Variants in CCDC63 observed in about 807,000 individuals in gnomAD.
CCDC63 encodes the protein coiled-coil domain-containing protein 63.
CCDC63 carries 54 observed loss-of-function variants against 63.6 expected under a neutral mutation model. That is an observed-to-expected ratio of 0.85 (90% confidence interval 0.68 to 1.07). CCDC63 has a LOEUF of 1.07. Among genes scored for constraint, CCDC63 ranks in the 50% least tolerant of loss-of-function variants. CCDC63 has a pLI of 0.00. For missense variants in CCDC63, 637 were observed against 689.6 expected (o/e 0.92, Z 0.86); for synonymous variants, 253 against 266.1 (o/e 0.95, Z 0.48).
chr12:110,854,780 A>G (rs1295342607), intron 3 of CCDC63, among the ~76,000 whole-genome samples: 3 of 152,118 alleles, frequency 2.0e-5, no homozygotes, highest in Non-Finnish European at 4.4e-5. Flanking sequence ...AGTTCACAGG[A>G]TGGGGAAAAG....
rs142467765 is a variant in CCDC63 at position 110,870,163 on chromosome 12, A to G, written c.370-3679A>G. On this transcript the variant is annotated intron_variant, in intron 4 of 11. Transcript: ENST00000308208. Reference sequence around the variant, plus strand: ...AATGGCATGATCTCGGCTCACTGCAACCTCTACCTCCCAGGATCAAGCAAT... The same window carrying G: ...AATGGCATGATCTCGGCTCACTGCAGCCTCTACCTCCCAGGATCAAGCAAT... Among the ~76,000 whole-genome samples, 141 of 152,200 alleles carry G rather than the reference A, an allele frequency of 9.3e-4. 2 individuals are homozygous for G. In the East Asian group the frequency reaches 0.019, roughly 21 times the overall value.
chr12:110,852,641 C>T (rs1421165268), intron 1 of CCDC63, among the ~76,000 whole-genome samples: 1 of 152,148 alleles, frequency 6.6e-6, no homozygotes, highest in African/African-American at 2.4e-5. Flanking sequence ...TGCCCAGCTC[C>T]TAATAATAAA....
At position 110,898,919 on chromosome 12, in the gene CCDC63, G is replaced by T. The variant is rs1173799229; in HGVS notation, c.1150-14G>T. ...AGTCCTCCTGAGCAGGTGGGAATTGGGGTCTGCCACCAGGATAAACTGAGG... is the reference window on the plus strand; with the variant it reads ...AGTCCTCCTGAGCAGGTGGGAATTGTGGTCTGCCACCAGGATAAACTGAGG... On this transcript the variant is annotated splice_polypyrimidine_tract_variant and intron_variant, in intron 9 of 11. Transcript: ENST00000308208. 1 of 1,571,224 alleles carries T rather than the reference G, an allele frequency of 6.4e-7. No individual in the cohort carries two copies. The highest frequency in any genetic ancestry group is 8.7e-7 in the Non-Finnish European group (1 of 1,155,300).
At chr12:110,884,314 G>C (rs941924689) in intron 8 of CCDC63, 64 bp downstream of exon 8, 18 of 1,346,168 alleles carry the variant, frequency 1.3e-5, no homozygotes, top group African/African-American at 2.9e-5. Flanking sequence ...TTCCAGGGCA[G>C]TCTCCTAGGA....
At chr12:110,883,765 A>G (rs901520496) in intron 7 of CCDC63, among the ~76,000 whole-genome samples, 29 of 151,860 alleles carry the variant, frequency 1.9e-4, no homozygotes, top group African/African-American at 6.8e-4. Context: ...TTAGCCTCCC[A>G]TGTAGCTGGG....
At chr12:110,885,873 A>G (rs1408083117) in intron 8 of CCDC63, among the ~76,000 whole-genome samples, 1 of 152,250 alleles carries the variant, frequency 6.6e-6, no homozygotes, top group Non-Finnish European at 1.5e-5. Context: ...CTAGTGATGA[A>G]TTAATTTTTA....
At chr12:110,852,418 C>T (rs760793913) in intron 1 of CCDC63, among the ~76,000 whole-genome samples, 3 of 152,134 alleles carry the variant, frequency 2.0e-5, no homozygotes, top group African/African-American at 4.8e-5. Flanking sequence ...TGCCACCACA[C>T]CTGGCTAATT....
At chr12:110,854,864 T>G (rs545524375) in intron 3 of CCDC63, among the ~76,000 whole-genome samples, 13 of 152,268 alleles carry the variant, frequency 8.5e-5, no homozygotes, top group Non-Finnish European at 1.3e-4. Context: ...AGTGGTGCCA[T>G]CTCGGCTCAC....
intron 11 of CCDC63, among the ~76,000 whole-genome samples, chr12:110,905,905 A>ATTATATTAT (rs2071557744): frequency 1.6e-5 from 1 of 63,168 alleles, no homozygotes; most frequent in African/African-American, 6.4e-5. Flanking sequence ...TATATATAAT[A>ATTATATTAT]TATATTATAT....
intron 4 of CCDC63, among the ~76,000 whole-genome samples, chr12:110,868,292 C>T (rs2071004604): frequency 7.6e-6 from 1 of 131,606 alleles, no homozygotes; most frequent in African/African-American, 3.0e-5. Context: ...AGACGATGGG[C>T]AGCCAGGCAG....
intron 10 of CCDC63, among the ~76,000 whole-genome samples, chr12:110,900,748 C>T (rs149523600): frequency 1.9e-4 from 29 of 152,214 alleles, no homozygotes; most frequent in African/African-American, 4.1e-4. Context: ...TATAGGCACA[C>T]GCCACCACGC....
chr12:110,872,551 A>G (rs948770376), intron 4 of CCDC63, among the ~76,000 whole-genome samples: 1 of 152,250 alleles, frequency 6.6e-6, no homozygotes, highest in African/African-American at 2.4e-5. Flanking sequence ...TACAGTGACT[A>G]CAGTCCCGGA....
chr12:110,860,213 C>T (rs908294235), intron 4 of CCDC63, among the ~76,000 whole-genome samples: 3 of 152,202 alleles, frequency 2.0e-5, no homozygotes, highest in Non-Finnish European at 4.4e-5. Context: ...CCCTTTCTTC[C>T]AACCCTCTGA....
In CCDC63 at chr12:110,893,126, C is replaced by T; in HGVS notation, c.1125C>T (p.Asn375=). ...RSQQKLSHDD[N]HSVLRQLEDK... ...AGCAGAAATTGTCCCACGATGACAACCACTCTGTCCTGAGACAGCTGGAGG... is the reference window on the plus strand; with the variant it reads ...AGCAGAAATTGTCCCACGATGACAATCACTCTGTCCTGAGACAGCTGGAGG... The change falls in exon 9 of 12, where the codon AAC becomes AAT. Residue 375 remains asparagine (N), a synonymous_variant. Coordinates refer to ENST00000308208, the MANE Select transcript of CCDC63 (RefSeq NM_152591.3). 2 of 1,614,090 alleles carry T rather than the reference C, an allele frequency of 1.2e-6. No individual in the cohort carries two copies. The highest frequency in any genetic ancestry group is 1.3e-5 in the African/African-American group (1 of 75,038).
chr12:110,893,245 G>A, intron 9 of CCDC63, 95 bp downstream of exon 9: 1 of 989,210 alleles, frequency 1.0e-6, no homozygotes, highest in Non-Finnish European at 1.6e-6. Flanking sequence ...TCGGGCATCT[G>A]TCAGCTGCTT....
At chr12:110,894,973 G>A (rs926484112) in intron 9 of CCDC63, among the ~76,000 whole-genome samples, 2 of 152,196 alleles carry the variant, frequency 1.3e-5, no homozygotes, top group African/African-American at 4.8e-5. Flanking sequence ...GGAGTGCAGT[G>A]GCGCGATCTC....
At position 110,853,643 on chromosome 12, in the gene CCDC63, T is replaced by C. The variant is rs1456453108; in HGVS notation, c.179+69T>C. Reference sequence around the variant, plus strand: ...AGTTGGGGTTGGGCTTCATGTTGCTTGTCTTCTGTTCTGTGACCCCTGGGG... The same window carrying C: ...AGTTGGGGTTGGGCTTCATGTTGCTCGTCTTCTGTTCTGTGACCCCTGGGG... On this transcript the variant is annotated intron_variant, in intron 3 of 11. Transcript: ENST00000308208. 2.5e-6 allele frequency: 4 copies of C among 1,579,368 alleles called. No homozygotes were observed. The East Asian group carries it at 6.7e-5, about 27-fold the overall frequency.
chr12:110,877,337 C>T (rs1002647184), intron 5 of CCDC63, among the ~76,000 whole-genome samples: 2 of 151,802 alleles, frequency 1.3e-5, no homozygotes, highest in East Asian at 2.0e-4. Context: ...CTCAGCCTCC[C>T]GAGTAGCTGG....
intron 9 of CCDC63, among the ~76,000 whole-genome samples, chr12:110,897,732 G>GTTTTT (rs1208926440): frequency 8.2e-6 from 1 of 121,270 alleles, no homozygotes; most frequent in Admixed American, 8.5e-5. Context: ...GGACCACCTT[G>GTTTTT]TTTTTTTTTT....
Sources: allele counts gnomAD v4.1 joint callset (sites outside exome capture counted in the v4.1 genomes callset), GRCh38; gene constraint gnomAD v4.1.1; transcripts MANE v1.5; gene names NCBI Gene and HGNC (gene_info 2026-07-23, HGNC 2026-07-21).